Variants in ARSB observed in about 807,000 individuals in gnomAD.
The protein encoded by ARSB is arylsulfatase B.
In ARSB, 41 loss-of-function variants were observed where a neutral mutation model predicts 50.9. The observed-to-expected ratio is 0.81, with a 90% CI of 0.63 to 1.04. The LOEUF (loss-of-function observed/expected upper bound fraction) is 1.04. ARSB is among the 50% of genes least tolerant of loss of function. The pLI, the probability that ARSB is intolerant of heterozygous loss-of-function variation, is 0.00. For synonymous variants in ARSB, 269 were observed against 284.8 expected, an observed-to-expected ratio of 0.94 and a Z score of 0.56; for missense variants, 672 against 693.3, an observed-to-expected ratio of 0.97 and a Z score of 0.35.
Position 78,839,406 on chromosome 5 carries a change from C to A in ARSB, c.1163G>T (p.Arg388Ile). The change falls in exon 6 of 8, where the codon AGA (arginine) becomes ATA (isoleucine). Residue 388 changes from arginine (R) to isoleucine (I), a missense_variant. Coordinates refer to ENST00000264914, the MANE Select transcript of ARSB (RefSeq NM_000046.5). Reference sequence around the variant, plus strand: ...GTCAATATTATGCAGCAGCTCAATTCTGGGGGATGGGCTTCCTTCACTGGA... The same window carrying A: ...GTCAATATTATGCAGCAGCTCAATTATGGGGGATGGGCTTCCTTCACTGGA... ...KTISEGSPSP[R>I]IELLHNIDPN... 1 of 1,613,792 alleles carries A rather than the reference C, an allele frequency of 6.2e-7. No individual in the cohort carries two copies. Among genetic ancestry groups the A allele is most frequent in the Non-Finnish European group, 8.5e-7 (1 of 1,179,794 alleles).
At chr5:78,868,867 C>T (rs1412373514) in intron 5 of ARSB, among the ~76,000 whole-genome samples, 1 of 150,892 alleles carries the variant, frequency 6.6e-6, no homozygotes, top group Non-Finnish European at 1.5e-5. Flanking sequence ...CACAGACTGG[C>T]AAGTTGGATA....
At chr5:78,826,441 A>G (rs1744435243) in intron 6 of ARSB, among the ~76,000 whole-genome samples, 1 of 152,220 alleles carries the variant, frequency 6.6e-6, no homozygotes, top group Admixed American at 6.5e-5. Flanking sequence ...AACACAAAAG[A>G]CTAAATTGTC....
chr5:78,955,399 T>A lies in ARSB; in HGVS notation c.794A>T (p.His265Leu), dbSNP rs1341828131. ...YDFIQDKNRHHYAGMVSLMDE... is the reference protein window; with the variant it reads ...YDFIQDKNRHLYAGMVSLMDE... ...CATAAGGGACACCATTCCTGCATAGTGATGCCTGTTCTTGTCTTGGATAAA... is the reference window on the plus strand; with the variant it reads ...CATAAGGGACACCATTCCTGCATAGAGATGCCTGTTCTTGTCTTGGATAAA... The change falls in exon 4 of 8, where the codon CAC becomes CTC. Residue 265 changes from histidine to leucine, a missense_variant. Transcript: ENST00000264914. 1 of 1,614,208 alleles carries A rather than the reference T, an allele frequency of 6.2e-7. No homozygotes were observed. The highest frequency in any genetic ancestry group is 8.5e-7 in the Non-Finnish European group (1 of 1,180,020).
At chr5:78,880,630 A>G (rs1370030560) in intron 5 of ARSB, among the ~76,000 whole-genome samples, 1 of 152,244 alleles carries the variant, frequency 6.6e-6, no homozygotes, top group Non-Finnish European at 1.5e-5. Context: ...ATTAAAGTTC[A>G]AGATTTGCTT....
intron 3 of ARSB, among the ~76,000 whole-genome samples, chr5:78,962,656 T>C (rs1752043065): frequency 6.6e-6 from 1 of 151,362 alleles, no homozygotes; most frequent in South Asian, 2.1e-4. Context: ...ACCTCCAGAG[T>C]AGCTGGACTA....
chr5:78,839,372 G>C lies in ARSB; in HGVS notation c.1197C>G (p.Phe399Leu), dbSNP rs200793396. ...GGTACTCACACGGTGAAGAGTCCAC[G>C]AAGTTCGGGTCAATATTATGCAGCA... The part of the protein sequence containing the change: ...IELLHNIDPN[F>L]VDSSPCPRNS... Residue 399 changes from phenylalanine (F) to leucine (L), a missense_variant, in exon 6 of 8, where the codon TTC becomes TTG. Transcript: ENST00000264914. 3 of 1,613,814 alleles carry C rather than the reference G, an allele frequency of 1.9e-6. No individual in the cohort carries two copies. In the East Asian group the frequency reaches 6.7e-5, roughly 36 times the overall value.
chr5:78,976,976 T>C (rs961505723), intron 1 of ARSB, among the ~76,000 whole-genome samples: 1 of 152,170 alleles, frequency 6.6e-6, no homozygotes, highest in African/African-American at 2.4e-5. Flanking sequence ...TGCTCCTTCC[T>C]CCACGTTAAA....
intron 6 of ARSB, among the ~76,000 whole-genome samples, chr5:78,820,435 CCTATAGTCCCACCTA>C (rs1271780816): frequency 6.6e-6 from 1 of 152,018 alleles, no homozygotes; most frequent in Non-Finnish European, 1.5e-5. Flanking sequence ...GTGGTGGACG[CCTATAGTCCCACCTA>C]CTCGGGAGGC....
intron 4 of ARSB, among the ~76,000 whole-genome samples, chr5:78,942,828 A>G (rs1459561590): frequency 6.6e-6 from 1 of 152,072 alleles, no homozygotes; most frequent in Non-Finnish European, 1.5e-5. Context: ...CAATTCCTGG[A>G]TATCCTTGTT....
chr5:78,904,403 C>T (rs1297350268), intron 4 of ARSB, among the ~76,000 whole-genome samples: 2 of 150,690 alleles, frequency 1.3e-5, no homozygotes, highest in African/African-American at 2.4e-5. Flanking sequence ...CTTTAGTTTT[C>T]AGCAGTTCCA....
intron 4 of ARSB, among the ~76,000 whole-genome samples, chr5:78,906,052 T>C (rs1749051530): frequency 6.6e-6 from 1 of 151,674 alleles, no homozygotes; most frequent in Non-Finnish European, 1.5e-5. Context: ...CTGGGGCCTG[T>C]CTTGGGGTAG....
intron 4 of ARSB, among the ~76,000 whole-genome samples, chr5:78,907,716 T>C (rs1235887083): frequency 6.6e-6 from 1 of 152,116 alleles, no homozygotes; most frequent in African/African-American, 2.4e-5. Flanking sequence ...AGGCCACGGG[T>C]AGAGCGGTTG....
intron 4 of ARSB, among the ~76,000 whole-genome samples, chr5:78,909,052 T>C (rs1468705866): frequency 6.6e-6 from 1 of 152,206 alleles, no homozygotes; most frequent in African/African-American, 2.4e-5. Flanking sequence ...GTAAACGGTA[T>C]AGTCTCGAAA....
At chr5:78,810,909 A>C (rs1248692095) in intron 6 of ARSB, among the ~76,000 whole-genome samples, 1 of 152,252 alleles carries the variant, frequency 6.6e-6, no homozygotes, top group African/African-American at 2.4e-5. Context: ...ACTGTTTTCT[A>C]CACAGAAGGC....
chr5:78,982,669 T>C (rs1209974384), intron 1 of ARSB, among the ~76,000 whole-genome samples: 1 of 152,212 alleles, frequency 6.6e-6, no homozygotes, highest in Non-Finnish European at 1.5e-5. Context: ...GAGAATCAAA[T>C]GAGTTAACAC....
At chr5:78,862,804 C>T (rs1298155058) in intron 5 of ARSB, among the ~76,000 whole-genome samples, 2 of 152,182 alleles carry the variant, frequency 1.3e-5, no homozygotes, top group Admixed American at 1.3e-4. Context: ...AAACTACCAT[C>T]AAAGTGAACA....
At chr5:78,805,641 A>G (rs1369845410) in intron 6 of ARSB, among the ~76,000 whole-genome samples, 1 of 152,186 alleles carries the variant, frequency 6.6e-6, no homozygotes, top group Non-Finnish European at 1.5e-5. Flanking sequence ...AACAAGCAGG[A>G]AAGAGGAGGA....
At chr5:78,830,320 A>G (rs1036632515) in intron 6 of ARSB, among the ~76,000 whole-genome samples, 1 of 152,214 alleles carries the variant, frequency 6.6e-6, no homozygotes, top group African/African-American at 2.4e-5. Context: ...CTGGTGAGGC[A>G]GCTGGCCCTT....
intron 4 of ARSB, among the ~76,000 whole-genome samples, chr5:78,939,843 T>G (rs1177077374): frequency 6.6e-6 from 1 of 152,220 alleles, no homozygotes; most frequent in Non-Finnish European, 1.5e-5. Context: ...TCTAGATCCC[T>G]GAGGAATCGC....
Sources: allele counts gnomAD v4.1 joint callset (sites outside exome capture counted in the v4.1 genomes callset), GRCh38; gene constraint gnomAD v4.1.1; transcripts MANE v1.5; gene names NCBI Gene and HGNC (gene_info 2026-07-23, HGNC 2026-07-21).